PTPRD: variants seen among roughly 807,000 people sequenced by gnomAD.
PTPRD encodes the protein receptor-type tyrosine-protein phosphatase delta.
Under a neutral mutation model 214.5 loss-of-function variants are expected in PTPRD, and 34 were observed. That is an observed-to-expected ratio of 0.16 (90% confidence interval 0.12 to 0.21). The LOEUF is 0.21. PTPRD is among the 10% of genes least tolerant of loss of function. PTPRD has a pLI of 1.00. For synonymous variants in PTPRD, 1,128 were observed against 845.7 expected, an observed-to-expected ratio of 1.33 and a Z score of -5.79; for missense variants, 2,545 against 2,398.7, an observed-to-expected ratio of 1.06 and a Z score of -1.27.
intron 5 of PTPRD, among the ~76,000 whole-genome samples, chr9:9,919,233 T>C (rs2081850349): frequency 6.6e-6 from 1 of 152,136 alleles, no homozygotes; most frequent in Non-Finnish European, 1.5e-5. Flanking sequence ...ACATACCCTC[T>C]CTTCCTTCTA....
chr9:10,204,887 G>C (rs969133083), intron 3 of PTPRD, among the ~76,000 whole-genome samples: 1 of 152,132 alleles, frequency 6.6e-6, no homozygotes, highest in African/African-American at 2.4e-5. Context: ...TCTAGGACTT[G>C]TCTCTAAAAT....
chr9:10,226,955 G>C (rs931527056), intron 3 of PTPRD, among the ~76,000 whole-genome samples: 1 of 151,798 alleles, frequency 6.6e-6, no homozygotes, highest in East Asian at 1.9e-4. Flanking sequence ...TAGATACAAG[G>C]AATATAATGT....
intron 5 of PTPRD, among the ~76,000 whole-genome samples, chr9:9,921,953 A>G (rs2082668517): frequency 6.6e-6 from 1 of 152,094 alleles, no homozygotes; most frequent in African/African-American, 2.4e-5. Flanking sequence ...CTAGTATTCA[A>G]GTCCAAGCAG....
intron 7 of PTPRD, among the ~76,000 whole-genome samples, chr9:9,718,864 G>T (rs2097882448): frequency 6.6e-6 from 1 of 152,172 alleles, no homozygotes; most frequent in Admixed American, 6.5e-5. Context: ...GCCTGGTGTT[G>T]ACCCTCGGCA....
At chr9:10,181,504 CT>C (rs921157084) in intron 3 of PTPRD, among the ~76,000 whole-genome samples, 81 of 150,880 alleles carry the variant, frequency 5.4e-4, no homozygotes, top group African/African-American at 1.8e-3. Flanking sequence ...CCAACACTAA[CT>C]TTTTTTTTAA....
intron 2 of PTPRD, among the ~76,000 whole-genome samples, chr9:10,395,356 G>T (rs1029496285): frequency 2.6e-5 from 4 of 151,152 alleles, no homozygotes; most frequent in Non-Finnish European, 4.4e-5. Context: ...GCGGTGTTTG[G>T]TTTTTTCTCA....
chr9:9,770,130 G>A (rs577375217), intron 5 of PTPRD, among the ~76,000 whole-genome samples: 1 of 152,270 alleles, frequency 6.6e-6, no homozygotes, highest in Admixed American at 6.5e-5. Context: ...ATCCAGTAAT[G>A]AGATTGCTGG....
At chr9:9,954,593 C>T (rs1468661269) in intron 4 of PTPRD, among the ~76,000 whole-genome samples, 3 of 151,754 alleles carry the variant, frequency 2.0e-5, no homozygotes, top group Non-Finnish European at 2.9e-5. Context: ...TATGAGAGCA[C>T]AATTAATATA....
intron 12 of PTPRD, among the ~76,000 whole-genome samples, chr9:8,674,006 G>A (rs1301865511): frequency 6.6e-6 from 1 of 152,052 alleles, no homozygotes; most frequent in Non-Finnish European, 1.5e-5. Flanking sequence ...CCCACCAGGT[G>A]GAGACCCACT....
chr9:8,766,321 A>G (rs1599114911), intron 11 of PTPRD, among the ~76,000 whole-genome samples: 1 of 151,946 alleles, frequency 6.6e-6, no homozygotes, highest in Admixed American at 6.6e-5. Flanking sequence ...ACTGTAGGTG[A>G]GTCAGTGTAT....
At chr9:9,511,747 C>T (rs932801662) in intron 8 of PTPRD, among the ~76,000 whole-genome samples, 7 of 151,636 alleles carry the variant, frequency 4.6e-5, no homozygotes, top group Non-Finnish European at 8.9e-5. Flanking sequence ...ATAGTTTATA[C>T]TTTAGATAAT....
chr9:10,484,558 T>C (rs964414866), intron 2 of PTPRD, among the ~76,000 whole-genome samples: 1 of 152,096 alleles, frequency 6.6e-6, no homozygotes, highest in Admixed American at 6.6e-5. Flanking sequence ...TGTTATTGCC[T>C]GTCTTTTGGA....
At chr9:9,582,667 T>C (rs2091087849) in intron 7 of PTPRD, among the ~76,000 whole-genome samples, 1 of 152,094 alleles carries the variant, frequency 6.6e-6, no homozygotes, top group Non-Finnish European at 1.5e-5. Context: ...AAAAGTTCCT[T>C]ACATTACTCT....
At chr9:10,235,220 T>C (rs142597015) in intron 3 of PTPRD, among the ~76,000 whole-genome samples, 1 of 152,084 alleles carries the variant, frequency 6.6e-6, no homozygotes, top group East Asian at 1.9e-4. Context: ...AGTGAAGGAT[T>C]TAGCTAAACG....
intron 30 of PTPRD, among the ~76,000 whole-genome samples, chr9:8,478,774 C>CA (rs1173016696): frequency 4.6e-5 from 7 of 152,154 alleles, no homozygotes; most frequent in African/African-American, 1.7e-4. Flanking sequence ...ATGTGGCACA[C>CA]AAAAAATACA....
intron 2 of PTPRD, among the ~76,000 whole-genome samples, chr9:10,494,272 T>C (rs2041325023): frequency 6.6e-6 from 1 of 151,882 alleles, no homozygotes; most frequent in Non-Finnish European, 1.5e-5. Flanking sequence ...ACACTTATCA[T>C]GAACATATAA....
chr9:8,554,860 T>C (rs1183796763), intron 14 of PTPRD, among the ~76,000 whole-genome samples: 1 of 152,138 alleles, frequency 6.6e-6, no homozygotes, highest in African/African-American at 2.4e-5. Flanking sequence ...TTCTATCATT[T>C]TTACGGGCTT....
intron 7 of PTPRD, among the ~76,000 whole-genome samples, chr9:9,617,432 T>C (rs774426897): frequency 6.6e-6 from 1 of 152,198 alleles, no homozygotes; most frequent in Non-Finnish European, 1.5e-5. Flanking sequence ...GTGTCATGAA[T>C]GAACTATGCA....
At chr9:9,028,605 T>A (rs2099594853) in intron 10 of PTPRD, among the ~76,000 whole-genome samples, 1 of 151,988 alleles carries the variant, frequency 6.6e-6, no homozygotes, top group Admixed American at 6.6e-5. Context: ...CATTACTCCA[T>A]CAACAAATAT....
Sources: allele counts gnomAD v4.1 joint callset (sites outside exome capture counted in the v4.1 genomes callset), GRCh38; gene constraint gnomAD v4.1.1; transcripts MANE v1.5; gene names NCBI Gene and HGNC (gene_info 2026-07-23, HGNC 2026-07-21).